The following SLC35F1 variants were observed in gnomAD, a reference collection of about 807,000 sequenced individuals.
SLC35F1 encodes the protein chromosome 6 open reading frame 169.
Under a neutral mutation model 48.7 loss-of-function variants are expected in SLC35F1, and 14 were observed. The ratio of observed to expected loss-of-function variants is 0.29; its 90% CI spans 0.19 to 0.45. The LOEUF is 0.45. Among genes scored for constraint, SLC35F1 ranks in the 20% least tolerant of loss-of-function variants. The pLI is 1.00. For synonymous variants in SLC35F1, 190 were observed against 202.2 expected (o/e 0.94, Z 0.51); for missense variants, 404 against 500.0 (o/e 0.81, Z 1.83).
At chr6:117,998,577 C>G (rs1337830228) in intron 1 of SLC35F1, among the ~76,000 whole-genome samples, 1 of 152,074 alleles carries the variant, frequency 6.6e-6, no homozygotes, top group East Asian at 1.9e-4. Flanking sequence ...CAAACTATCT[C>G]TCAGACCACA....
At chr6:118,305,898 G>A (rs575004325) in intron 7 of SLC35F1, among the ~76,000 whole-genome samples, 2 of 152,218 alleles carry the variant, frequency 1.3e-5, no homozygotes, top group East Asian at 3.9e-4. Context: ...TATTTACCTC[G>A]TGGAGTGACT....
chr6:118,274,954 T>C (rs1044947771), intron 4 of SLC35F1, among the ~76,000 whole-genome samples: 4 of 152,206 alleles, frequency 2.6e-5, no homozygotes, highest in African/African-American at 9.6e-5. Context: ...TTCTATGCCA[T>C]GTTCACTAAA....
chr6:118,056,863 A>T (rs1772469863), intron 1 of SLC35F1, among the ~76,000 whole-genome samples: 2 of 152,280 alleles, frequency 1.3e-5, no homozygotes, highest in East Asian at 3.9e-4. Flanking sequence ...AAACTAAGAA[A>T]CAAAAAGGTT....
chr6:118,274,224 C>T (rs1775892013), intron 4 of SLC35F1, among the ~76,000 whole-genome samples: 1 of 152,116 alleles, frequency 6.6e-6, no homozygotes, highest in East Asian at 1.9e-4. Flanking sequence ...AGGACAGAGC[C>T]AGAGACCACT....
At chr6:118,247,994 G>C (rs1194949746) in intron 3 of SLC35F1, among the ~76,000 whole-genome samples, 1 of 152,166 alleles carries the variant, frequency 6.6e-6, no homozygotes, top group Non-Finnish European at 1.5e-5. Context: ...CAAAAAGTAT[G>C]AGCAACTGCT....
At chr6:118,280,515 T>C (rs1004434886) in intron 6 of SLC35F1, among the ~76,000 whole-genome samples, 1 of 152,112 alleles carries the variant, frequency 6.6e-6, no homozygotes, top group Admixed American at 6.6e-5. Context: ...AAAAGAAAGA[T>C]TTGGCCTCTC....
intron 2 of SLC35F1, among the ~76,000 whole-genome samples, chr6:118,197,493 C>T (rs1014460941): frequency 6.6e-6 from 1 of 152,212 alleles, no homozygotes; most frequent in Non-Finnish European, 1.5e-5. Context: ...CTCAGACAAA[C>T]TCTCCTATCT....
intron 1 of SLC35F1, among the ~76,000 whole-genome samples, chr6:117,967,675 A>T (rs961990430): frequency 6.6e-6 from 1 of 152,198 alleles, no homozygotes; most frequent in Non-Finnish European, 1.5e-5. Context: ...TAAATAAGCC[A>T]TTGAGAGCAA....
intron 7 of SLC35F1, among the ~76,000 whole-genome samples, chr6:118,303,596 G>A (rs1443674692): frequency 6.6e-6 from 1 of 152,106 alleles, no homozygotes; most frequent in African/African-American, 2.4e-5. Flanking sequence ...GCTTATCGTG[G>A]TACTCTATGC....
At chr6:118,057,566 G>A (rs1772480688) in intron 1 of SLC35F1, among the ~76,000 whole-genome samples, 1 of 152,194 alleles carries the variant, frequency 6.6e-6, no homozygotes, top group African/African-American at 2.4e-5. Flanking sequence ...AATTTGAGAA[G>A]AGATTAATCT....
At chr6:118,182,832 T>G (rs1262888753) in intron 2 of SLC35F1, among the ~76,000 whole-genome samples, 1 of 152,222 alleles carries the variant, frequency 6.6e-6, no homozygotes, top group Non-Finnish European at 1.5e-5. Flanking sequence ...ACATTTGTAA[T>G]GTAGTCAATA....
rs145324209 is a variant in SLC35F1 at position 118,173,247 on chromosome 6, C to T, written c.349+18627C>T. On this transcript the variant is annotated intron_variant, in intron 2 of 7. Coordinates refer to ENST00000360388, the MANE Select transcript of SLC35F1 (RefSeq NM_001029858.4). ...CTGTAAAATTACAGTTTTCTGAACCCAACAGAAAGCTAAGGATGAAAAGAA... is the reference window on the plus strand; with the variant it reads ...CTGTAAAATTACAGTTTTCTGAACCTAACAGAAAGCTAAGGATGAAAAGAA... Among the ~76,000 whole-genome samples the T allele has an allele frequency of 7.9e-5, 12 of 151,814 alleles. No individual in the cohort carries two copies. In the East Asian group the frequency reaches 2.3e-3, roughly 29 times the overall value.
At chr6:118,232,350 T>C (rs1775302426) in intron 2 of SLC35F1, among the ~76,000 whole-genome samples, 1 of 151,928 alleles carries the variant, frequency 6.6e-6, no homozygotes, top group African/African-American at 2.4e-5. Context: ...AGGAGATTAA[T>C]ACCAGCCTGA....
chr6:117,950,010 G>A (rs1238174612), intron 1 of SLC35F1, among the ~76,000 whole-genome samples: 1 of 152,084 alleles, frequency 6.6e-6, no homozygotes, highest in Non-Finnish European at 1.5e-5. Flanking sequence ...GGTGTATGTA[G>A]CTTTTTACTC....
At chr6:118,224,851 G>A (rs1473963893) in intron 2 of SLC35F1, among the ~76,000 whole-genome samples, 1 of 152,090 alleles carries the variant, frequency 6.6e-6, no homozygotes, top group Non-Finnish European at 1.5e-5. Context: ...TATCATGTGT[G>A]TACAAGGCTA....
At chr6:118,311,430 G>A (rs1286299124) in intron 7 of SLC35F1, among the ~76,000 whole-genome samples, 1 of 152,038 alleles carries the variant, frequency 6.6e-6, no homozygotes, top group East Asian at 1.9e-4. Flanking sequence ...TGTCTACATG[G>A]TGCCAGGCTC....
At chr6:118,269,487 A>G (rs917391662) in intron 4 of SLC35F1, among the ~76,000 whole-genome samples, 2 of 152,208 alleles carry the variant, frequency 1.3e-5, no homozygotes, top group Non-Finnish European at 2.9e-5. Flanking sequence ...ATGATTGGAC[A>G]TGCTCTGCCT....
intron 1 of SLC35F1, among the ~76,000 whole-genome samples, chr6:117,968,227 T>G (rs2114840991): frequency 6.6e-6 from 1 of 152,316 alleles, no homozygotes; most frequent in South Asian, 2.1e-4. Flanking sequence ...TCATTTTAAT[T>G]TGTAAAAATA....
chr6:118,055,283 G>A (rs927786360), intron 1 of SLC35F1, among the ~76,000 whole-genome samples: 3 of 152,110 alleles, frequency 2.0e-5, no homozygotes, highest in Non-Finnish European at 4.4e-5. Flanking sequence ...TCTTAATGTA[G>A]TTAGTTGTAT....
Sources: gnomAD v4.1 joint callset for allele counts (sites outside exome capture counted in the v4.1 genomes callset) on GRCh38, gnomAD v4.1.1 for gene constraint, MANE v1.5 for transcripts, NCBI Gene and HGNC (gene_info 2026-07-23, HGNC 2026-07-21) for gene names.